The following ACTR1B variants were observed in gnomAD, a reference collection of about 807,000 sequenced individuals.
ACTR1B encodes beta-centractin.
A neutral mutation model predicts 49.4 loss-of-function variants in ACTR1B; 34 were observed. The observed-to-expected ratio is 0.69, with a 90% confidence interval of 0.52 to 0.92. The LOEUF (loss-of-function observed/expected upper bound fraction) is 0.92. Ranked by LOEUF, ACTR1B falls within the 40% of genes least tolerant of loss-of-function variation. The probability of loss-of-function intolerance (pLI) is 0.00; values close to 1 mark genes in which losing one functional copy is unlikely to be tolerated. For missense variants in ACTR1B, 471 were observed against 522.4 expected (o/e 0.90, Z 0.96); for synonymous variants, 207 against 207.8 (o/e 1.00, Z 0.03).
At chr2:97,657,622 T>G in intron 8 of ACTR1B, 113 bp from the exon 9 acceptor site, 5 of 1,136,794 alleles carry the variant, frequency 4.4e-6, no homozygotes, top group Non-Finnish European at 6.6e-6. Context: ...TCAGCAGCTC[T>G]TCCCAGGATG....
rs555308392 is a variant in ACTR1B at position 97,659,646 on chromosome 2, A to G, written c.190-169T>C. ...GTCTGTGGCGGGTCCTGAACTCAGCATGGGCTCACCTGCCCACCAGCTTCT... is the reference window on the plus strand; with the variant it reads ...GTCTGTGGCGGGTCCTGAACTCAGCGTGGGCTCACCTGCCCACCAGCTTCT... On this transcript the variant is annotated intron_variant, in intron 3 of 10. Transcript: ENST00000289228. The surrounding 1 kb of genome is among the most constrained non-coding windows in gnomAD (Gnocchi z 4.0). The G allele has an allele frequency of 2.8e-5, 27 of 964,370 alleles. No homozygotes were observed. The African/African-American group carries it at 4.5e-4, about 16-fold the overall frequency. 59.7% of individuals were successfully genotyped at this position (964,370 alleles called of 1,614,324 possible).
chr2:97,657,603 G>T (rs1674878662), intron 8 of ACTR1B, 94 bp from the exon 9 acceptor site: 1 of 1,283,324 alleles, frequency 7.8e-7, no homozygotes, highest in Non-Finnish European at 1.1e-6. Flanking sequence ...AGCTACTGCT[G>T]GTCCTCTATC....
chr2:97,660,426 A>AG, intron 3 of ACTR1B, 145 bp downstream of exon 3: 1 of 740,110 alleles, frequency 1.4e-6, no homozygotes, highest in South Asian at 1.7e-5. Context: ...GCCCCATCTC[A>AG]GGGGGAGGTG....
Position 97,657,181 on chromosome 2 carries a change from C to T in ACTR1B, c.999G>A (p.Pro333=), listed in dbSNP as rs748995362. The part of the protein sequence containing the change: ...PKDIKIKISA[P]QERLYSTWIG... ...TCCATGTGGAGTACAGCCGTTCCTG[C>T]GGGGCTGAGATCTAGAAGGAGGAAG... The change falls in exon 10 of 11, where the codon CCG becomes CCA. Residue 333 remains proline (P), a synonymous_variant. Transcript: ENST00000289228. 19 of 1,613,286 alleles carry T rather than the reference C, an allele frequency of 1.2e-5. No individual in the cohort carries two copies. The highest frequency in any genetic ancestry group is 8.9e-5 in the East Asian group (4 of 44,882).
At chr2:97,661,839 A>C in intron 2 of ACTR1B, 43 bp downstream of exon 2, 2 of 1,550,784 alleles carry the variant, frequency 1.3e-6, no homozygotes, top group Non-Finnish European at 1.8e-6. Context: ...TTCTTACAGA[A>C]GGTAAACAAA....
Position 97,656,896 on chromosome 2 carries a change from C to A in ACTR1B, c.1093G>T (p.Glu365Ter). Residue 365 changes from glutamate to a stop codon, truncating the protein, a stop_gained, in exon 11 of 11, where the codon GAG becomes TAG. Transcript: ENST00000289228. LOFTEE classifies it high-confidence loss of function. ...CGATGAATAGCACGGGAGCCATCCT[C>A]TTCATACTCCTTTTTGGACACCCAC... Reference protein sequence around the residue: ...KMWVSKKEYEEDGSRAIHRKT... With the variant: ...KMWVSKKEYE 6.3e-7 allele frequency: 1 copy of A among 1,593,870 alleles called. No individual in the cohort carries two copies.
chr2:97,658,363 C>T lies in ACTR1B; in HGVS notation c.658-47G>A. 1 of 1,612,832 alleles carries T rather than the reference C, an allele frequency of 6.2e-7. No individual in the cohort carries two copies. Among genetic ancestry groups the T allele is most frequent in the Non-Finnish European group, 8.5e-7 (1 of 1,178,880 alleles). ...CCTCAGAAGGCTGCACCTGGGACAC[C>T]TGTGCCTTGGTGCCACCCTTTCCTC... is the stretch of plus-strand genomic sequence containing the variant. On this transcript the variant is annotated intron_variant, in intron 6 of 10. Coordinates refer to ENST00000289228, the MANE Select transcript of ACTR1B (RefSeq NM_005735.4). The surrounding 1 kb of genome is among the most constrained non-coding windows in gnomAD (Gnocchi z 5.9).
rs1156855352 is a variant in ACTR1B at position 97,658,447 on chromosome 2, C to T, written c.637G>A (p.Val213Ile). The T allele has an allele frequency of 3.1e-6, 5 of 1,614,034 alleles. No homozygotes were observed. The highest frequency in any genetic ancestry group is 4.2e-6 in the Non-Finnish European group (5 of 1,180,020). The part of the protein sequence containing the change: ...VDFHTSAEFE[V>I]VRTIKERACY... ...GTCACCTCTTTGATTGTCCGGACAA[C>T]CTCAAACTCAGCCGAGGTATGGAAG... Residue 213 changes from valine to isoleucine, a missense_variant, in exon 6 of 11, where the codon GTT (valine) becomes ATT (isoleucine). Val to Ile is a conservative substitution (Grantham distance 29). Coordinates refer to ENST00000289228, the MANE Select transcript of ACTR1B (RefSeq NM_005735.4). This position sits in a 1 kb window ranked among gnomAD's most constrained non-coding sequence, Gnocchi z 5.9.
rs1023812226 is a variant in ACTR1B, at chr2:97,659,628, GC to G, written c.190-152del. On this transcript the variant is annotated intron_variant, in intron 3 of 10. Coordinates refer to ENST00000289228, the MANE Select transcript of ACTR1B (RefSeq NM_005735.4). The surrounding 1 kb of genome is among the most constrained non-coding windows in gnomAD (Gnocchi z 4.0). ...CTCACTGGGTGTCCCAGGGTCTGTG[GC>G]GGGTCCTGAACTCAGCATGGGCTCA... 3.6e-5 allele frequency: 45 copies of G among 1,234,236 alleles called. No individual in the cohort carries two copies. Among genetic ancestry groups the G allele is most frequent in the Non-Finnish European group, 4.8e-5 (43 of 886,884 alleles). 76.5% of individuals were successfully genotyped at this position (1,234,236 alleles called of 1,614,324 possible). A position where few individuals can be genotyped will look rare whatever the true frequency, so the allele number is the denominator to read the frequency against.
chr2:97,663,346 C>T (rs1472222996), intron 1 of ACTR1B, among the ~76,000 whole-genome samples: 2 of 152,236 alleles, frequency 1.3e-5, no homozygotes, highest in Non-Finnish European at 2.9e-5. Flanking sequence ...AAAGGCAAAC[C>T]AGATGGTGGT....
At chr2:97,663,190 G>T (rs988434022) in intron 1 of ACTR1B, among the ~76,000 whole-genome samples, 4 of 152,210 alleles carry the variant, frequency 2.6e-5, no homozygotes, top group Non-Finnish European at 4.4e-5. Context: ...GAAGCCTGAT[G>T]ACATCTTTCC....
intron 3 of ACTR1B, among the ~76,000 whole-genome samples, chr2:97,660,145 A>G (rs1674973209): frequency 6.6e-6 from 1 of 152,024 alleles, no homozygotes; most frequent in East Asian, 1.9e-4. Context: ...CAGGCGCCTA[A>G]ACTGCCCTTG....
At chr2:97,662,796 T>C (rs1265498447) in intron 1 of ACTR1B, among the ~76,000 whole-genome samples, 2 of 152,214 alleles carry the variant, frequency 1.3e-5, no homozygotes, top group Admixed American at 6.5e-5. Context: ...GATTAGCCTA[T>C]ACGAGTTATT....
At chr2:97,657,846 A>G (rs1388616889) in intron 8 of ACTR1B, 97 bp downstream of exon 8, 1 of 1,438,962 alleles carries the variant, frequency 6.9e-7, no homozygotes, top group Non-Finnish European at 9.4e-7. Context: ...CACCACCAAA[A>G]AGCCAACAGA....
At position 97,663,860 on chromosome 2, in the gene ACTR1B, G is replaced by A; in HGVS notation, c.31C>T (p.Pro11Ser). The change falls in exon 1 of 11, where the codon CCT becomes TCT. Residue 11 changes from proline (P) to serine (S), a missense_variant. Pro to Ser is a moderately conservative substitution (Grantham distance 74). Coordinates refer to ENST00000289228, the MANE Select transcript of ACTR1B (RefSeq NM_005735.4). MESYDIIANQ[P>S]VVIDNGSGVI... Reference sequence around the variant, plus strand: ...GGCCTCACGTTGTCGATGACCACAGGCTGGTTGGCGATGATGTCGTAGGAC... The same window carrying A: ...GGCCTCACGTTGTCGATGACCACAGACTGGTTGGCGATGATGTCGTAGGAC... 1 of 1,437,738 alleles carries A rather than the reference G, an allele frequency of 7.0e-7. No homozygotes were observed. Among genetic ancestry groups the A allele is most frequent in the Non-Finnish European group, 9.2e-7 (1 of 1,083,390 alleles). The allele number at this position is 1,437,738 out of a possible 1,614,324, so 89.1% of individuals were successfully genotyped here.
At position 97,658,540 on chromosome 2, in the gene ACTR1B, G is replaced by A. The variant is rs143709977; in HGVS notation, c.544C>T (p.Arg182Trp). ...ACGTCGCGGCCGGCAATGTCCACCC[G>A]CATGATGGAGTGAGGCATGGCAAAG... ...EGFAMPHSIMRVDIAGRDVSR... is the reference protein window; with the variant it reads ...EGFAMPHSIMWVDIAGRDVSR... Residue 182 changes from arginine to tryptophan, a missense_variant, in exon 6 of 11, where the codon CGG becomes TGG. By Grantham distance (101) the Arg-to-Trp change is moderately radical. Transcript: ENST00000289228. This position sits in a 1 kb window ranked among gnomAD's most constrained non-coding sequence, Gnocchi z 5.9. The A allele has an allele frequency of 1.1e-5, 17 of 1,613,980 alleles. No individual in the cohort carries two copies. The highest frequency in any genetic ancestry group is 2.2e-5 in the South Asian group (2 of 91,078).
In ACTR1B at chr2:97,656,883, C is replaced by A; in HGVS notation, c.1106G>T (p.Arg369Leu). Residue 369 changes from arginine (R) to leucine (L), a missense_variant, in exon 11 of 11, where the codon CGT becomes CTT. Transcript: ENST00000289228. ...SKKEYEEDGSRAIHRKTF is the reference protein window; with the variant it reads ...SKKEYEEDGSLAIHRKTF ...CTAGAAAGTTTTGCGATGAATAGCA[C>A]GGGAGCCATCCTCTTCATACTCCTT... is the stretch of plus-strand genomic sequence containing the variant. 6.3e-7 allele frequency: 1 copy of A among 1,589,344 alleles called. No individual in the cohort carries two copies. The highest frequency in any genetic ancestry group is 2.3e-5 in the East Asian group (1 of 44,278).
chr2:97,663,804 G>T, intron 1 of ACTR1B, 39 bp downstream of exon 1: 1 of 1,332,188 alleles, frequency 7.5e-7, no homozygotes, highest in South Asian at 1.6e-5. Flanking sequence ...CGCCCCCGGG[G>T]GCGGGGCGCC....
In ACTR1B at chr2:97,659,344, C is replaced by T. The variant is rs953005006; in HGVS notation, c.315+8G>A. On this transcript the variant is annotated splice_region_variant and intron_variant, in intron 4 of 10. Coordinates refer to ENST00000289228, the MANE Select transcript of ACTR1B (RefSeq NM_005735.4). The surrounding 1 kb of genome is among the most constrained non-coding windows in gnomAD (Gnocchi z 4.0). The stretch of plus-strand genomic sequence containing the variant: ...ATGCAGAGCATGCAGGAGGGGCAGC[C>T]GCCACACCTCCTCCGAGAAGGTCTG... 6.2e-6 allele frequency: 10 copies of T among 1,613,698 alleles called. No homozygotes were observed. The highest frequency in any genetic ancestry group is 6.8e-6 in the Non-Finnish European group (8 of 1,179,982).
Sources: gnomAD v4.1 joint callset for allele counts (sites outside exome capture counted in the v4.1 genomes callset) on GRCh38, gnomAD v4.1.1 for gene constraint, Gnocchi (gnomAD v3.1) non-coding constraint, MANE v1.5 for transcripts, NCBI Gene and HGNC (gene_info 2026-07-23, HGNC 2026-07-21) for gene names.